The following MAGI2 variants were observed in gnomAD, a reference collection of about 807,000 sequenced individuals.
MAGI2 encodes the protein membrane associated guanylate kinase, WW and PDZ domain containing 2.
MAGI2 carries 35 observed loss-of-function variants against 133.3 expected under a neutral mutation model. That is an observed-to-expected ratio of 0.26 (90% confidence interval 0.20 to 0.35). MAGI2 has a LOEUF of 0.35. Among genes scored for constraint, MAGI2 ranks in the 10% least tolerant of loss-of-function variants. The pLI, the probability that MAGI2 is intolerant of heterozygous loss-of-function variation, is 1.00. For synonymous variants in MAGI2, 729 were observed against 710.6 expected (o/e 1.03, Z -0.41); for missense variants, 1,636 against 1,863.4 (o/e 0.88, Z 2.25).
intron 5 of MAGI2, among the ~76,000 whole-genome samples, chr7:78,495,505 C>A (rs967047836): frequency 2.6e-5 from 4 of 152,268 alleles, no homozygotes; most frequent in Middle Eastern, 3.4e-3. Flanking sequence ...CCTTCTATAT[C>A]ATCATTTCAA....
intron 2 of MAGI2, among the ~76,000 whole-genome samples, chr7:78,723,569 G>A (rs1408439390): frequency 6.6e-6 from 1 of 152,166 alleles, no homozygotes; most frequent in Non-Finnish European, 1.5e-5. Context: ...TGTAGAGATA[G>A]TATGAAGGGC....
intron 2 of MAGI2, among the ~76,000 whole-genome samples, chr7:78,694,533 G>A (rs78884254): frequency 8.7e-4 from 133 of 152,226 alleles, no homozygotes; most frequent in African/African-American, 3.0e-3. Context: ...CATACACAGA[G>A]ACTCTGAGTT....
At chr7:79,246,219 C>T (rs1288776800) in intron 1 of MAGI2, among the ~76,000 whole-genome samples, 2 of 152,064 alleles carry the variant, frequency 1.3e-5, no homozygotes, top group Admixed American at 6.6e-5. Context: ...AAAATAAATG[C>T]CCAACTCTTC....
intron 2 of MAGI2, among the ~76,000 whole-genome samples, chr7:78,923,788 A>G (rs796185165): frequency 6.6e-6 from 1 of 152,084 alleles, no homozygotes; most frequent in South Asian, 2.1e-4. Context: ...CTTGGGCAGT[A>G]TGGCCATTTT....
intron 2 of MAGI2, among the ~76,000 whole-genome samples, chr7:79,005,017 G>T (rs763184265): frequency 6.6e-6 from 1 of 151,816 alleles, no homozygotes; most frequent in East Asian, 1.9e-4. Context: ...GGGAGGCAGA[G>T]GTTGCAGTGA....
intron 2 of MAGI2, among the ~76,000 whole-genome samples, chr7:78,755,397 C>T (rs1041584107): frequency 6.6e-6 from 1 of 152,088 alleles, no homozygotes; most frequent in Admixed American, 6.5e-5. Context: ...TGTATATTTG[C>T]AATGGGAAAG....
At position 79,422,586 on chromosome 7, in the gene MAGI2, CA is replaced by C. The variant is rs536060501; in HGVS notation, c.301+30433del. Reference sequence around the variant, plus strand: ...ACACTGACAAAAAATAAAATTCAGTCAGATTTATGGCTTCATGCAATTTCAA... The same window carrying C: ...ACACTGACAAAAAATAAAATTCAGTCGATTTATGGCTTCATGCAATTTCAA... On this transcript the variant is annotated intron_variant, in intron 1 of 21. Coordinates refer to ENST00000354212, the MANE Select transcript of MAGI2 (RefSeq NM_012301.4). Among the ~76,000 whole-genome samples, 12 of 152,078 alleles carry C rather than the reference CA, an allele frequency of 7.9e-5. No homozygotes were observed. In the South Asian group the frequency reaches 1.7e-3, roughly 21 times the overall value.
At chr7:79,393,143 T>C (rs2129153519) in intron 1 of MAGI2, among the ~76,000 whole-genome samples, 1 of 152,312 alleles carries the variant, frequency 6.6e-6, no homozygotes, top group East Asian at 1.9e-4. Flanking sequence ...TGTTGGTAGT[T>C]GAAATCTGTT....
intron 1 of MAGI2, among the ~76,000 whole-genome samples, chr7:79,036,714 T>C (rs1448673685): frequency 3.9e-5 from 6 of 152,106 alleles, no homozygotes; most frequent in Admixed American, 2.0e-4. Context: ...AACAACTTGA[T>C]ACCAAGAAAT....
At chr7:78,419,055 T>C (rs551897445) in intron 6 of MAGI2, among the ~76,000 whole-genome samples, 11 of 152,254 alleles carry the variant, frequency 7.2e-5, no homozygotes, top group African/African-American at 2.4e-4. Context: ...TCAGTAAATA[T>C]TGATCAACCT....
intron 1 of MAGI2, among the ~76,000 whole-genome samples, chr7:79,034,268 AATAAAAAT>A (rs1446444792): frequency 2.0e-5 from 3 of 152,134 alleles, no homozygotes; most frequent in Admixed American, 2.0e-4. Flanking sequence ...TATTCTGCTT[AATAAAAAT>A]ATTGTTATGT....
At chr7:78,583,471 C>G (rs1176416856) in intron 3 of MAGI2, 1 of 166,738 alleles carries the variant, frequency 6.0e-6, no homozygotes, top group Non-Finnish European at 1.3e-5. Context: ...GCACTCCAGC[C>G]TGGGCGACAG....
At chr7:79,343,922 ATTAACT>A (rs1841108366) in intron 1 of MAGI2, among the ~76,000 whole-genome samples, 1 of 152,180 alleles carries the variant, frequency 6.6e-6, no homozygotes, top group African/African-American at 2.4e-5. Context: ...GTCATGCCCG[ATTAACT>A]TTACATAGAG....
At chr7:79,066,417 T>C (rs1191690798) in intron 1 of MAGI2, among the ~76,000 whole-genome samples, 2 of 151,884 alleles carry the variant, frequency 1.3e-5, no homozygotes, top group Non-Finnish European at 2.9e-5. Flanking sequence ...ATGGGGTTAT[T>C]TTTTTTTCTT....
At chr7:79,409,497 T>C (rs1255173228) in intron 1 of MAGI2, among the ~76,000 whole-genome samples, 1 of 151,936 alleles carries the variant, frequency 6.6e-6, no homozygotes, top group Admixed American at 6.6e-5. Flanking sequence ...TTTCTTCTCA[T>C]TACATTAAAG....
intron 1 of MAGI2, among the ~76,000 whole-genome samples, chr7:79,232,717 A>C (rs1337064833): frequency 7.7e-6 from 1 of 129,440 alleles, no homozygotes; most frequent in African/African-American, 3.1e-5. Context: ...GCGGTCTATC[A>C]ATTTTGTTGA....
Position 78,951,263 on chromosome 7 carries a change from C to T in MAGI2, c.418+55827G>A, listed in dbSNP as rs555875355. Among the ~76,000 whole-genome samples the T allele has an allele frequency of 7.6e-4, 115 of 152,116 alleles. 1 individual carries two copies. The highest frequency in any genetic ancestry group is 3.2e-3 in the Middle Eastern group (1 of 316). ...CTGGGATTACAGGCATGAGCTGCCA[C>T]ACCCGGCTGATGTTAGCTTTTAACT... On this transcript the variant is annotated intron_variant, in intron 2 of 21. Transcript: ENST00000354212.
At chr7:78,963,561 A>T (rs752505198) in intron 2 of MAGI2, among the ~76,000 whole-genome samples, 9 of 152,028 alleles carry the variant, frequency 5.9e-5, no homozygotes, top group Admixed American at 3.3e-4. Flanking sequence ...CAACATGTAA[A>T]CTGGGAGAGC....
At chr7:78,873,768 A>G (rs532740575) in intron 2 of MAGI2, among the ~76,000 whole-genome samples, 4 of 152,288 alleles carry the variant, frequency 2.6e-5, no homozygotes, top group African/African-American at 9.6e-5. Flanking sequence ...GTTGGGGACC[A>G]CTGCTATGCA....
Sources: allele counts gnomAD v4.1 joint callset (sites outside exome capture counted in the v4.1 genomes callset), GRCh38; gene constraint gnomAD v4.1.1; transcripts MANE v1.5; gene names NCBI Gene and HGNC (gene_info 2026-07-23, HGNC 2026-07-21).